The following KIF9 variants were observed in gnomAD, a reference collection of about 807,000 sequenced individuals.
The protein encoded by KIF9 is kinesin family member 9.
In KIF9, 68 loss-of-function variants were observed where a neutral mutation model predicts 94.8. That is an observed-to-expected ratio of 0.72 (90% CI 0.59 to 0.88). The LOEUF (loss-of-function observed/expected upper bound fraction) is 0.88, where lower values mean the gene tolerates loss of function less well. Among genes scored for constraint, KIF9 ranks in the 40% least tolerant of loss-of-function variants. The pLI is 0.00. For synonymous variants in KIF9, 343 were observed against 362.1 expected (o/e 0.95, Z 0.60); for missense variants, 882 against 982.5 (o/e 0.90, Z 1.37).
intron 20 of KIF9, among the ~76,000 whole-genome samples, chr3:47,234,133 C>CAAG (rs1465141763): frequency 6.6e-6 from 1 of 151,842 alleles, no homozygotes; most frequent in Non-Finnish European, 1.5e-5. Flanking sequence ...ACACTAGAAA[C>CAAG]AAGTGATGGG....
Position 47,273,553 on chromosome 3 carries a change from T to C in KIF9, c.365A>G (p.Gln122Arg), listed in dbSNP as rs759366613. The change falls in exon 4 of 21, where the codon CAG becomes CGG. Residue 122 changes from glutamine to arginine, a missense_variant and splice_region_variant. Transcript: ENST00000684063. ...HRGILPRALQ[Q>R]VFRMIEERPT... ...CCCACCCTTGGGCCCACTCTCTACC[T>C]GCTGCAGGGCACGAGGGAGGATCCC... 5 of 1,598,794 alleles carry C rather than the reference T, an allele frequency of 3.1e-6. No homozygotes were observed. In the Admixed American group the frequency reaches 6.8e-5, roughly 22 times the overall value.
At chr3:47,276,513 G>A (rs184652380) in intron 2 of KIF9, among the ~76,000 whole-genome samples, 22 of 148,098 alleles carry the variant, frequency 1.5e-4, no homozygotes, top group African/African-American at 5.5e-4. Context: ...CCAAGATTGT[G>A]CCACTGTACT....
chr3:47,262,366 C>A (rs1161033488), intron 9 of KIF9, among the ~76,000 whole-genome samples: 1 of 151,870 alleles, frequency 6.6e-6, no homozygotes, highest in African/African-American at 2.4e-5. Context: ...ACAACCTCTG[C>A]CTCCAGGGTT....
intron 18 of KIF9, 38 bp from the exon 19 acceptor site, chr3:47,236,187 G>A: frequency 1.4e-6 from 2 of 1,450,496 alleles, no homozygotes; most frequent in Non-Finnish European, 1.9e-6. Context: ...GAGGAAGCCG[G>A]TAAGGGCTGT....
At chr3:47,280,026 C>T (rs950344317) in intron 1 of KIF9, among the ~76,000 whole-genome samples, 3 of 152,144 alleles carry the variant, frequency 2.0e-5, no homozygotes, top group Admixed American at 2.0e-4. Flanking sequence ...GTGATTTCAG[C>T]TCACTGCAGC....
At position 47,271,335 on chromosome 3, in the gene KIF9, G is replaced by A; in HGVS notation, c.493C>T (p.Pro165Ser). Residue 165 changes from proline (P) to serine (S), a missense_variant, in exon 5 of 21, where the codon CCA becomes TCA. Coordinates refer to ENST00000684063, the MANE Select transcript of KIF9 (RefSeq NM_182902.4). ...TGAGGGTTTTCCACGATGGTCATTG[G>A]TGTGACTGAGGGTCCAACATAGGGC... is the stretch of plus-strand genomic sequence containing the variant. ...TLPYVGPSVTPMTIVENPQGV... is the reference protein window; with the variant it reads ...TLPYVGPSVTSMTIVENPQGV... The A allele has an allele frequency of 6.2e-7, 1 of 1,613,958 alleles. No homozygotes were observed.
intron 14 of KIF9, 165 bp from the exon 15 acceptor site, chr3:47,245,089 C>T: frequency 3.5e-6 from 3 of 852,852 alleles, no homozygotes; most frequent in Non-Finnish European, 5.3e-6. Context: ...GTAGAGCGGT[C>T]CCTGACCACT....
intron 1 of KIF9, among the ~76,000 whole-genome samples, chr3:47,280,765 A>AATG (rs1702278174): frequency 1.3e-5 from 2 of 152,142 alleles, no homozygotes; most frequent in South Asian, 4.1e-4. Flanking sequence ...CAACATGCAC[A>AATG]TGCACACGCA....
At chr3:47,277,148 G>C in intron 2 of KIF9, 134 bp downstream of exon 2, 1 of 480,840 alleles carries the variant, frequency 2.1e-6, no homozygotes, top group Non-Finnish European at 3.7e-6. Context: ...GTTTGGATTT[G>C]ATGGGCTCTA....
At chr3:47,258,515 A>G (rs1700759249) in intron 9 of KIF9, among the ~76,000 whole-genome samples, 1 of 152,198 alleles carries the variant, frequency 6.6e-6, no homozygotes. Context: ...TCTCATGTTG[A>G]AATATAATCC....
chr3:47,267,935 G>A (rs1319324589), intron 5 of KIF9, among the ~76,000 whole-genome samples: 1 of 146,734 alleles, frequency 6.8e-6, no homozygotes, highest in Non-Finnish European at 1.5e-5. Context: ...GTGGTGGCAC[G>A]ATCTCGGCTC....
intron 5 of KIF9, 66 bp downstream of exon 5, chr3:47,271,171 A>G: frequency 9.8e-7 from 1 of 1,024,122 alleles, no homozygotes; most frequent in Non-Finnish European, 1.4e-6. Flanking sequence ...AAGAAAAAGA[A>G]AAGCTGAGAA....
chr3:47,265,836 T>C lies in KIF9; in HGVS notation c.810A>G (p.Lys270=). ...QVLKEATYIN[K]SLSFLEQAII... is the part of the protein sequence containing the mutation. ...TGGCCTGCTCCAGGAATGAGAGCGA[T>C]TTGTTGATGTAGGTGGCTTCCTTCA... is the stretch of plus-strand genomic sequence containing the variant. The change falls in exon 8 of 21, where the codon AAA becomes AAG. Residue 270 remains lysine (K), a synonymous_variant. Transcript: ENST00000684063. The C allele has an allele frequency of 1.9e-6, 3 of 1,614,164 alleles. No homozygotes were observed. The highest frequency in any genetic ancestry group is 2.2e-5 in the East Asian group (1 of 44,884).
At position 47,244,902 on chromosome 3, in the gene KIF9, C is replaced by T. The variant is rs1390518948; in HGVS notation, c.1403G>A (p.Gly468Asp). Reference protein sequence around the residue: ...IQKAGLVDVDGHLVGEPEGQN... With the variant: ...IQKAGLVDVDDHLVGEPEGQN... ...TCCTTCAGGCTCACCCACTAGGTGG[C>T]CATCAACATCCACAAGCCCCGCCTA... Residue 468 changes from glycine (G) to aspartate (D), a missense_variant, in exon 15 of 21, where the codon GGC (glycine) becomes GAC (aspartate). Coordinates refer to ENST00000684063, the MANE Select transcript of KIF9 (RefSeq NM_182902.4). The T allele has an allele frequency of 1.9e-6, 3 of 1,614,136 alleles. No homozygotes were observed. Among genetic ancestry groups the T allele is most frequent in the East Asian group, 4.5e-5 (2 of 44,884 alleles).
chr3:47,279,517 T>C (rs1036686936), intron 1 of KIF9, among the ~76,000 whole-genome samples: 5 of 152,004 alleles, frequency 3.3e-5, no homozygotes, highest in African/African-American at 9.7e-5. Context: ...ACTTTTAAGA[T>C]GTTAACCATA....
At chr3:47,232,386 G>A (rs534762250) in intron 20 of KIF9, among the ~76,000 whole-genome samples, 9 of 152,152 alleles carry the variant, frequency 5.9e-5, no homozygotes, top group African/African-American at 2.2e-4. Flanking sequence ...CCGGGTTCAA[G>A]CAATTCTCCT....
At chr3:47,263,934 T>C (rs1187015929) in intron 9 of KIF9, 5 of 469,564 alleles carry the variant, frequency 1.1e-5, no homozygotes, top group South Asian at 7.7e-5. Context: ...ACATGTGTGA[T>C]TATAAAGAAC....
At chr3:47,263,222 T>A (rs1350615515) in intron 9 of KIF9, among the ~76,000 whole-genome samples, 1 of 152,142 alleles carries the variant, frequency 6.6e-6, no homozygotes, top group African/African-American at 2.4e-5. Flanking sequence ...TTATGATGGG[T>A]GGCACTTCAG....
intron 10 of KIF9, among the ~76,000 whole-genome samples, chr3:47,252,771 T>C (rs1377753338): frequency 6.6e-6 from 1 of 151,998 alleles, no homozygotes; most frequent in East Asian, 1.9e-4. Flanking sequence ...TCCCAGCCCT[T>C]TGGGAGGCTG....
Sources: gnomAD v4.1 joint callset for allele counts (sites outside exome capture counted in the v4.1 genomes callset) on GRCh38, gnomAD v4.1.1 for gene constraint, MANE v1.5 for transcripts, NCBI Gene and HGNC (gene_info 2026-07-23, HGNC 2026-07-21) for gene names.